The following USP24 variants were observed in gnomAD, a reference collection of about 807,000 sequenced individuals.
USP24 encodes ubiquitin carboxyl-terminal hydrolase 24.
USP24 carries 97 observed loss-of-function variants against 361.6 expected under a neutral mutation model. That is an observed-to-expected ratio of 0.27 (90% CI 0.23 to 0.32). The LOEUF is 0.32. Ranked by LOEUF, USP24 falls within the 10% of genes least tolerant of loss-of-function variation. The probability of loss-of-function intolerance (pLI) is 1.00; values close to 1 mark genes in which losing one functional copy is unlikely to be tolerated. For missense variants in USP24, 2,353 were observed against 3,165.6 expected (o/e 0.74, Z 6.16); for synonymous variants, 1,098 against 1,124.6 (o/e 0.98, Z 0.47).
chr1:55,142,033 A>AT (rs1278996421), intron 23 of USP24, among the ~76,000 whole-genome samples: 2 of 152,182 alleles, frequency 1.3e-5, no homozygotes, highest in Non-Finnish European at 1.5e-5. Flanking sequence ...GAATACTTGA[A>AT]TTTTTTTTAT....
chr1:55,197,718 T>A (rs1285326218), intron 1 of USP24, among the ~76,000 whole-genome samples: 1 of 152,208 alleles, frequency 6.6e-6, no homozygotes, highest in Non-Finnish European at 1.5e-5. Flanking sequence ...CTAAATCACT[T>A]GTACAACATC....
At chr1:55,135,024 G>C (rs551960146) in intron 28 of USP24, among the ~76,000 whole-genome samples, 1 of 152,202 alleles carries the variant, frequency 6.6e-6, no homozygotes, top group African/African-American at 2.4e-5. Context: ...AATAAATTCA[G>C]GATAAATGTG....
In USP24 at chr1:55,157,074, G is replaced by C. The variant is rs1647750365; in HGVS notation, c.1343-23C>G. On this transcript the variant is annotated intron_variant, in intron 11 of 67. Transcript: ENST00000294383. ...TGCCTAATTGAAGAAACATGAGAGA[G>C]AAAGTCAGATATAGTGAACACTGAC... is the stretch of plus-strand genomic sequence containing the variant. 3 of 1,585,752 alleles carry C rather than the reference G, an allele frequency of 1.9e-6. No homozygotes were observed. The South Asian group carries it at 3.3e-5, about 18-fold the overall frequency.
intron 37 of USP24, 137 bp from the exon 38 acceptor site, chr1:55,120,893 CAGATTTTAATGGTA>C: frequency 8.6e-7 from 1 of 1,157,726 alleles, no homozygotes; most frequent in Non-Finnish European, 1.2e-6. Context: ...ATGAGTGTTT[CAGATTTTAATGGTA>C]AGGTTTTAAT....
At chr1:55,205,521 T>A (rs1248744060) in intron 1 of USP24, among the ~76,000 whole-genome samples, 1 of 152,172 alleles carries the variant, frequency 6.6e-6, no homozygotes, top group African/African-American at 2.4e-5. Flanking sequence ...ATTCTAGATT[T>A]AAAAAAATAG....
intron 35 of USP24, among the ~76,000 whole-genome samples, chr1:55,123,890 T>TA (rs1456718466): frequency 6.6e-6 from 1 of 152,184 alleles, no homozygotes; most frequent in East Asian, 1.9e-4. Flanking sequence ...CTCCAGAGGA[T>TA]ATCGGAAATG....
At chr1:55,106,948 TA>T (rs1557568049) in intron 40 of USP24, among the ~76,000 whole-genome samples, 1 of 152,176 alleles carries the variant, frequency 6.6e-6, no homozygotes, top group Non-Finnish European at 1.5e-5. Flanking sequence ...ACAAAGTACA[TA>T]ACAGCAAAAA....
chr1:55,185,183 GT>G (rs1308866529), intron 1 of USP24, among the ~76,000 whole-genome samples: 1 of 151,936 alleles, frequency 6.6e-6, no homozygotes, highest in African/African-American at 2.4e-5. Flanking sequence ...GAACTCCTAG[GT>G]TCAAGCGATT....
rs762234057 is a variant in USP24 at position 55,081,310 on chromosome 1, T to C, written c.7078+12A>G. 1 of 1,611,848 alleles carries C rather than the reference T, an allele frequency of 6.2e-7. No homozygotes were observed. The highest frequency in any genetic ancestry group is 8.5e-7 in the Non-Finnish European group (1 of 1,178,100). The stretch of plus-strand genomic sequence containing the variant: ...TTCAGTATCTCTTCATTCTAAGATA[T>C]GTTAAGCTTACCAACATTCCTTTGG... On this transcript the variant is annotated intron_variant, in intron 59 of 67. Transcript: ENST00000294383.
At chr1:55,164,640 C>T (rs1355932572) in intron 7 of USP24, among the ~76,000 whole-genome samples, 1 of 152,006 alleles carries the variant, frequency 6.6e-6, no homozygotes, top group African/African-American at 2.4e-5. Context: ...CTGCAGCAGA[C>T]AACACAATTG....
chr1:55,183,639 C>T (rs933479757), intron 1 of USP24, among the ~76,000 whole-genome samples: 4 of 152,050 alleles, frequency 2.6e-5, no homozygotes, highest in African/African-American at 4.8e-5. Context: ...AAGAGCAAAG[C>T]GGCAAATGTA....
intron 16 of USP24, among the ~76,000 whole-genome samples, chr1:55,153,111 G>A (rs1647280954): frequency 6.6e-6 from 1 of 152,180 alleles, no homozygotes; most frequent in Non-Finnish European, 1.5e-5. Context: ...TGAGGGTCTA[G>A]GTGAGAGGAC....
intron 19 of USP24, 39 bp from the exon 20 acceptor site, chr1:55,146,148 C>T: frequency 6.9e-7 from 1 of 1,445,896 alleles, no homozygotes; most frequent in African/African-American, 1.4e-5. Flanking sequence ...AACTAAGATC[C>T]ATTTCAGGCA....
At chr1:55,185,637 T>A (rs1644109773) in intron 1 of USP24, among the ~76,000 whole-genome samples, 1 of 152,176 alleles carries the variant, frequency 6.6e-6, no homozygotes, top group African/African-American at 2.4e-5. Context: ...CATGGCTGAC[T>A]GCAGCCTTGA....
chr1:55,123,681 A>G (rs1646346331), intron 35 of USP24, 79 bp from the exon 36 acceptor site: 1 of 1,385,860 alleles, frequency 7.2e-7, no homozygotes, highest in African/African-American at 1.5e-5. Context: ...TATATGTTCC[A>G]GAATCCTCAT....
intron 67 of USP24, among the ~76,000 whole-genome samples, chr1:55,070,861 G>A (rs1169890249): frequency 1.3e-5 from 2 of 152,204 alleles, no homozygotes; most frequent in African/African-American, 4.8e-5. Context: ...ATGAGCGCTA[G>A]GGGCTTTGGG....
intron 1 of USP24, among the ~76,000 whole-genome samples, chr1:55,203,097 T>C (rs890092055): frequency 6.6e-6 from 1 of 152,188 alleles, no homozygotes; most frequent in Admixed American, 6.5e-5. Context: ...TATGTATATA[T>C]AGGAAAACAC....
At chr1:55,179,562 A>C (rs1036225814) in intron 1 of USP24, among the ~76,000 whole-genome samples, 1 of 152,006 alleles carries the variant, frequency 6.6e-6, no homozygotes, top group Non-Finnish European at 1.5e-5. Context: ...TTCCCCCGTA[A>C]ATCCTGGTCC....
chr1:55,176,337 C>T (rs763307115), intron 3 of USP24, 39 bp downstream of exon 3: 4 of 1,533,644 alleles, frequency 2.6e-6, no homozygotes, highest in African/African-American at 1.4e-5. Context: ...GCCCCCACCC[C>T]GACACACACA....
Sources: gnomAD v4.1 joint callset for allele counts (sites outside exome capture counted in the v4.1 genomes callset) on GRCh38, gnomAD v4.1.1 for gene constraint, MANE v1.5 for transcripts, NCBI Gene and HGNC (gene_info 2026-07-23, HGNC 2026-07-21) for gene names.